Variants in AGBL1 observed in about 807,000 individuals in gnomAD.
AGBL1 encodes the protein cytosolic carboxypeptidase 4.
AGBL1 carries 130 observed loss-of-function variants against 118.9 expected under a neutral mutation model. That is an observed-to-expected ratio of 1.09 (90% confidence interval 0.95 to 1.26). The LOEUF (loss-of-function observed/expected upper bound fraction) is 1.26. Ranked by LOEUF, AGBL1 falls within the 50% of genes most tolerant of loss-of-function variation. The pLI is 0.00. For synonymous variants in AGBL1, 555 were observed against 478.9 expected (o/e 1.16, Z -2.08); for missense variants, 1,584 against 1,298.1 (o/e 1.22, Z -3.38).
chr15:86,752,663 C>T (rs2077872909), intron 22 of AGBL1, among the ~76,000 whole-genome samples: 1 of 152,056 alleles, frequency 6.6e-6, no homozygotes, highest in East Asian at 1.9e-4. Context: ...TTACTGTTAT[C>T]TATATTTTTC....
At chr15:86,123,379 A>C (rs2141586431) in intron 1 of AGBL1, among the ~76,000 whole-genome samples, 1 of 152,274 alleles carries the variant, frequency 6.6e-6, no homozygotes, top group East Asian at 1.9e-4. Flanking sequence ...AGCTGGGATT[A>C]CAGGTGCTTG....
intron 23 of AGBL1, among the ~76,000 whole-genome samples, chr15:86,955,581 T>C (rs1435369094): frequency 5.9e-5 from 9 of 152,040 alleles, no homozygotes; most frequent in Admixed American, 5.2e-4. Context: ...AAAGACAAGA[T>C]AGACAAACTT....
chr15:86,457,932 C>T (rs892068087), intron 18 of AGBL1, among the ~76,000 whole-genome samples: 1 of 152,170 alleles, frequency 6.6e-6, no homozygotes, highest in Non-Finnish European at 1.5e-5. Flanking sequence ...CCTCTTTCAA[C>T]TGTCAGTGCT....
At chr15:86,656,999 A>C (rs2085470682) in intron 21 of AGBL1, among the ~76,000 whole-genome samples, 1 of 152,052 alleles carries the variant, frequency 6.6e-6, no homozygotes, top group East Asian at 1.9e-4. Flanking sequence ...CCAGCCCTCC[A>C]TCTTGCCTCA....
intron 18 of AGBL1, among the ~76,000 whole-genome samples, chr15:86,418,698 G>T (rs748445347): frequency 6.6e-6 from 1 of 152,210 alleles, no homozygotes; most frequent in Non-Finnish European, 1.5e-5. Context: ...CCTTTGAAGA[G>T]TGAAGAGGAG....
intron 22 of AGBL1, among the ~76,000 whole-genome samples, chr15:86,854,284 G>T (rs1177540962): frequency 1.3e-5 from 2 of 152,148 alleles, no homozygotes. Flanking sequence ...CTCTGCTTGG[G>T]TTCTTAGGGG....
intron 22 of AGBL1, among the ~76,000 whole-genome samples, chr15:86,795,791 G>C (rs2078561995): frequency 2.0e-5 from 3 of 151,380 alleles, no homozygotes; most frequent in Middle Eastern, 6.8e-3. Context: ...TCACCATGTT[G>C]GCCAGGCTGG....
intron 22 of AGBL1, among the ~76,000 whole-genome samples, chr15:86,805,762 T>C (rs909866382): frequency 8.5e-5 from 13 of 152,160 alleles, no homozygotes; most frequent in Admixed American, 7.2e-4. Context: ...ATATACAGGA[T>C]AGGCATTGAC....
chr15:86,963,334 T>G (rs1220318289), intron 23 of AGBL1, among the ~76,000 whole-genome samples: 1 of 152,092 alleles, frequency 6.6e-6, no homozygotes, highest in African/African-American at 2.4e-5. Context: ...GTGCCAAATG[T>G]CAAGTTTAGA....
chr15:86,084,759 T>G (rs1224050520), intron 1 of AGBL1, among the ~76,000 whole-genome samples: 1 of 152,154 alleles, frequency 6.6e-6, no homozygotes, highest in Non-Finnish European at 1.5e-5. Flanking sequence ...AAGGTAATAT[T>G]TTGGATTTGG....
At chr15:86,696,495 C>G (rs146164286) in intron 22 of AGBL1, among the ~76,000 whole-genome samples, 2 of 151,326 alleles carry the variant, frequency 1.3e-5, no homozygotes, top group East Asian at 1.9e-4. Flanking sequence ...GTGAGTCTCT[C>G]GGAGGCAGCA....
intron 21 of AGBL1, among the ~76,000 whole-genome samples, chr15:86,641,941 G>C (rs2085198613): frequency 6.6e-6 from 1 of 152,140 alleles, no homozygotes; most frequent in South Asian, 2.1e-4. Flanking sequence ...ACTTCAGACT[G>C]TGAAAGGACT....
chr15:86,929,606 G>A (rs2080582098), intron 23 of AGBL1, among the ~76,000 whole-genome samples: 1 of 152,186 alleles, frequency 6.6e-6, no homozygotes, highest in Non-Finnish European at 1.5e-5. Context: ...TTATGAAAGA[G>A]CAGTGCCCAG....
intron 1 of AGBL1, among the ~76,000 whole-genome samples, chr15:86,129,427 C>G (rs1267866765): frequency 6.6e-6 from 1 of 152,204 alleles, no homozygotes; most frequent in Non-Finnish European, 1.5e-5. Context: ...CCTAAAGCAT[C>G]TCCCTGACTT....
intron 21 of AGBL1, among the ~76,000 whole-genome samples, chr15:86,620,096 CTTAT>C (rs2084783167): frequency 6.6e-6 from 1 of 152,118 alleles, no homozygotes; most frequent in African/African-American, 2.4e-5. Flanking sequence ...AGTAATATCA[CTTAT>C]TTGTGAGTTT....
At chr15:86,390,659 G>GTTTTTTTTTTTT (rs1596055668) in intron 17 of AGBL1, among the ~76,000 whole-genome samples, 1 of 82,036 alleles carries the variant, frequency 1.2e-5, no homozygotes, top group Non-Finnish European at 2.2e-5. Flanking sequence ...TATACTGTAT[G>GTTTTTTTTTTTT]ATTTTTTTTT....
chr15:86,597,329 C>T (rs35610722), intron 21 of AGBL1, among the ~76,000 whole-genome samples: 24 of 152,144 alleles, frequency 1.6e-4, no homozygotes, highest in Admixed American at 3.9e-4. Flanking sequence ...GAGCTTCTTA[C>T]GCCAGCTTAT....
chr15:86,436,810 C>CT (rs1201718525), intron 18 of AGBL1, among the ~76,000 whole-genome samples: 1 of 152,106 alleles, frequency 6.6e-6, no homozygotes, highest in Non-Finnish European at 1.5e-5. Flanking sequence ...TGTATAAATA[C>CT]TTTTTTTAGA....
intron 22 of AGBL1, among the ~76,000 whole-genome samples, chr15:86,834,634 G>T (rs1380931550): frequency 6.6e-6 from 1 of 152,166 alleles, no homozygotes; most frequent in African/African-American, 2.4e-5. Context: ...TACCCTCTCT[G>T]ATCCTTTTGA....
Sources: allele counts gnomAD v4.1 joint callset (sites outside exome capture counted in the v4.1 genomes callset), GRCh38; gene constraint gnomAD v4.1.1; transcripts MANE v1.5; gene names NCBI Gene and HGNC (gene_info 2026-07-23, HGNC 2026-07-21).